MBNL3: variants seen among roughly 807,000 people sequenced by gnomAD.
MBNL3 encodes muscleblind-like protein 3.
MBNL3 carries 6 observed loss-of-function variants against 24.5 expected under a neutral mutation model. That is an observed-to-expected ratio of 0.25 (90% CI 0.13 to 0.48). The LOEUF is 0.48. Ranked by LOEUF, MBNL3 falls within the 20% of genes least tolerant of loss-of-function variation. The pLI is 0.99. For missense variants in MBNL3, 230 were observed against 293.5 expected (o/e 0.78, Z 1.58); for synonymous variants, 100 against 101.7 (o/e 0.98, Z 0.10).
intron 1 of MBNL3, among the ~76,000 whole-genome samples, chrX:132,466,712 G>A (rs1344997616): frequency 9.0e-6 from 1 of 111,516 alleles, no homozygotes; most frequent in Non-Finnish European, 1.9e-5. Flanking sequence ...TCTTCTCTCA[G>A]AAGTCTAGCT....
At chrX:132,399,884 A>C (rs921391733) in intron 3 of MBNL3, among the ~76,000 whole-genome samples, 5 of 110,397 alleles carry the variant, frequency 4.5e-5, no homozygotes, top group Non-Finnish European at 9.5e-5. Context: ...AGCAATCTCA[A>C]GGTAGCTGGC....
At chrX:132,489,394 G>C (rs1271554320), upstream of MBNL3, among the ~76,000 whole-genome samples, 3 of 112,246 alleles carry the variant, frequency 2.7e-5, no homozygotes, top group East Asian at 8.6e-4. Flanking sequence ...CAGTCCACTC[G>C]GAGCACACCT....
chrX:132,413,625 A>T, intron 2 of MBNL3: 1 of 1,065,195 alleles, frequency 9.4e-7, no homozygotes, highest in Non-Finnish European at 1.2e-6. Context: ...ACTGTTGGAG[A>T]CAGCAATTTT....
At chrX:132,483,803 G>A (rs1196899181) in intron 1 of MBNL3, among the ~76,000 whole-genome samples, 2 of 111,896 alleles carry the variant, frequency 1.8e-5, no homozygotes, top group Non-Finnish European at 3.8e-5. Flanking sequence ...AATAAAAAGA[G>A]GCACTATTCA....
chrX:132,458,608 C>T (rs1196883377), intron 1 of MBNL3, among the ~76,000 whole-genome samples: 1 of 110,913 alleles, frequency 9.0e-6, no homozygotes, highest in Non-Finnish European at 1.9e-5. Flanking sequence ...ACAACACTCT[C>T]TCATGAGAAC....
At chrX:132,475,878 C>T (rs1047648900) in intron 1 of MBNL3, among the ~76,000 whole-genome samples, 1 of 111,830 alleles carries the variant, frequency 8.9e-6, no homozygotes, top group Non-Finnish European at 1.9e-5. Context: ...CCTCTAACAT[C>T]TTACATGGTT....
At chrX:132,451,961 G>C (rs551748998) in intron 1 of MBNL3, among the ~76,000 whole-genome samples, 2 of 111,445 alleles carry the variant, frequency 1.8e-5, no homozygotes, top group Non-Finnish European at 3.8e-5. Flanking sequence ...GTGAGACAAC[G>C]CCCCACCCTG....
At chrX:132,471,240 A>T (rs753535966) in intron 1 of MBNL3, among the ~76,000 whole-genome samples, 1 of 112,329 alleles carries the variant, frequency 8.9e-6, no homozygotes, top group African/African-American at 3.2e-5. Context: ...TCCCTAGTGG[A>T]TAGTTCTACA....
intron 3 of MBNL3, among the ~76,000 whole-genome samples, chrX:132,394,528 A>G (rs1937664179): frequency 8.9e-6 from 1 of 111,981 alleles, no homozygotes; most frequent in South Asian, 3.7e-4. Context: ...TAAATTTCTC[A>G]CTGAAGCCAC....
At chrX:132,467,742 C>T (rs983616998) in intron 1 of MBNL3, among the ~76,000 whole-genome samples, 2 of 111,728 alleles carry the variant, frequency 1.8e-5, no homozygotes, top group Non-Finnish European at 1.9e-5. Flanking sequence ...TTTTCTGTGC[C>T]AAACTAGCTC....
At chrX:132,410,483 TAGAG>T (rs1045995365) in intron 2 of MBNL3, among the ~76,000 whole-genome samples, 6 of 109,517 alleles carry the variant, frequency 5.5e-5, no homozygotes, top group Non-Finnish European at 1.1e-4. Context: ...CATACAGAGT[TAGAG>T]AGAAAAAAAA....
intron 1 of MBNL3, among the ~76,000 whole-genome samples, chrX:132,450,893 G>T (rs1318885485): frequency 8.9e-6 from 1 of 112,365 alleles, no homozygotes; most frequent in African/African-American, 3.2e-5. Flanking sequence ...ATTTTTTTCT[G>T]TTTGTTAGTT....
chrX:132,419,246 A>C (rs1272766814), intron 2 of MBNL3, among the ~76,000 whole-genome samples: 2 of 112,386 alleles, frequency 1.8e-5, no homozygotes, highest in East Asian at 5.6e-4. Context: ...ATGAGGGCTT[A>C]AGCATAAACG....
At chrX:132,472,405 T>A (rs1947227820) in intron 1 of MBNL3, among the ~76,000 whole-genome samples, 1 of 111,954 alleles carries the variant, frequency 8.9e-6, no homozygotes, top group Non-Finnish European at 1.9e-5. Context: ...AGATCACAAG[T>A]CCTTCACACT....
At chrX:132,444,769 C>G (rs933678483) in intron 1 of MBNL3, among the ~76,000 whole-genome samples, 10 of 110,914 alleles carry the variant, frequency 9.0e-5, no homozygotes, top group African/African-American at 3.3e-4. Flanking sequence ...ATAATAGATT[C>G]TCTATTAAGT....
chrX:132,398,918 A>C (rs1382183179), intron 3 of MBNL3, among the ~76,000 whole-genome samples: 1 of 111,539 alleles, frequency 9.0e-6, no homozygotes, highest in African/African-American at 3.3e-5. Flanking sequence ...ATGAAGAATC[A>C]GGTACAAATC....
intron 3 of MBNL3, among the ~76,000 whole-genome samples, chrX:132,403,986 C>T (rs968884843): frequency 9.0e-6 from 1 of 110,921 alleles, no homozygotes; most frequent in Non-Finnish European, 1.9e-5. Flanking sequence ...TACCTTTGAC[C>T]AACATCTTCC....
intron 1 of MBNL3, among the ~76,000 whole-genome samples, chrX:132,470,636 G>A (rs776639241): frequency 2.7e-5 from 3 of 111,747 alleles, no homozygotes; most frequent in Non-Finnish European, 5.6e-5. Flanking sequence ...AACATTTAGG[G>A]TTGCTATTAC....
At chrX:132,475,967 C>G (rs1262745024) in intron 1 of MBNL3, among the ~76,000 whole-genome samples, 2 of 111,985 alleles carry the variant, frequency 1.8e-5, no homozygotes, top group Non-Finnish European at 3.8e-5. Flanking sequence ...TTTTACTGTA[C>G]TTTCTGACTT....
Sources: gnomAD v4.1 joint callset for allele counts (sites outside exome capture counted in the v4.1 genomes callset) on GRCh38, gnomAD v4.1.1 for gene constraint, MANE v1.5 for transcripts, NCBI Gene and HGNC (gene_info 2026-07-23, HGNC 2026-07-21) for gene names.